The following CCDC40 variants were observed in gnomAD, a reference collection of about 807,000 sequenced individuals.
The protein encoded by CCDC40 is coiled-coil domain 40 molecular ruler complex subunit.
Under a neutral mutation model 124.5 loss-of-function variants are expected in CCDC40, and 104 were observed. That is an observed-to-expected ratio of 0.84 (90% CI 0.71 to 0.98). CCDC40 has a LOEUF of 0.98. Among genes scored for constraint, CCDC40 ranks in the 50% least tolerant of loss-of-function variants. The pLI is 0.00. For synonymous variants in CCDC40, 580 were observed against 602.9 expected (o/e 0.96, Z 0.56); for missense variants, 1,463 against 1,503.9 (o/e 0.97, Z 0.45).
chr17:80,049,082 G>A (rs964218824), intron 5 of CCDC40, among the ~76,000 whole-genome samples: 2 of 150,872 alleles, frequency 1.3e-5, no homozygotes, highest in South Asian at 2.1e-4. Flanking sequence ...CCACCCCCCC[G>A]CCTTGGTTGT....
At chr17:80,059,827 T>C (rs923141798) in intron 9 of CCDC40, among the ~76,000 whole-genome samples, 26 of 152,210 alleles carry the variant, frequency 1.7e-4, no homozygotes, top group African/African-American at 5.3e-4. Context: ...CCCAAAGTCC[T>C]GGGATTACAG....
chr17:80,086,309 C>G lies in CCDC40; in HGVS notation c.2449+93C>G. On this transcript the variant is annotated intron_variant, in intron 14 of 19. Coordinates refer to ENST00000397545, the MANE Select transcript of CCDC40 (RefSeq NM_017950.4). The surrounding 1 kb of genome is among the most constrained non-coding windows in gnomAD (Gnocchi z 5.5). ...GGGAGGGGCACTCAGTGGGGCACGTCGCTGGATTTGCACGCAGCCTTAAAA... is the reference window on the plus strand; with the variant it reads ...GGGAGGGGCACTCAGTGGGGCACGTGGCTGGATTTGCACGCAGCCTTAAAA... 4 of 1,048,002 alleles carry G rather than the reference C, an allele frequency of 3.8e-6. No homozygotes were observed. Among genetic ancestry groups the G allele is most frequent in the Non-Finnish European group, 5.8e-6 (4 of 692,364 alleles). 64.9% of individuals were successfully genotyped at this position (1,048,002 alleles called of 1,614,324 possible). A position where few individuals can be genotyped will look rare whatever the true frequency, so the allele number is the denominator to read the frequency against.
chr17:80,088,323 C>T (rs2038633907), intron 16 of CCDC40: 3 of 582,812 alleles, frequency 5.1e-6, no homozygotes, highest in Non-Finnish European at 9.4e-6. Flanking sequence ...GCGATCTCAG[C>T]TCACTGCAAC....
chr17:80,049,693 CACTCAGTT>C (rs1598487426), intron 5 of CCDC40, among the ~76,000 whole-genome samples: 1 of 152,140 alleles, frequency 6.6e-6, no homozygotes, highest in East Asian at 1.9e-4. Flanking sequence ...CCAAAATATG[CACTCAGTT>C]CTCTGCAAGT....
intron 17 of CCDC40, chr17:80,090,776 G>T: frequency 7.6e-7 from 1 of 1,312,426 alleles, no homozygotes; most frequent in Non-Finnish European, 9.7e-7. Flanking sequence ...AACAGTAAGA[G>T]CAGTTCATAA....
chr17:80,057,143 T>A (rs558536112), intron 7 of CCDC40, among the ~76,000 whole-genome samples: 27 of 152,224 alleles, frequency 1.8e-4, no homozygotes, highest in African/African-American at 6.0e-4. Context: ...TTGCTTTTTT[T>A]TTGAGACAGA....
Position 80,097,300 on chromosome 17 carries a change from T to C in CCDC40, c.3077T>C (p.Val1026Ala). ...VLELEETQRN[V>A]SSSLLEKQEK... ...GAACTGGAAGAAACACAAAGAAATG[T>C]GAGCAGCTCCCTCCTAGAGAAGCAG... The change falls in exon 19 of 20, where the codon GTG becomes GCG. Residue 1026 changes from valine to alanine, a missense_variant. Physicochemically the swap from Val to Ala is moderately conservative, Grantham distance 64 (BLOSUM62 0). Coordinates refer to ENST00000397545, the MANE Select transcript of CCDC40 (RefSeq NM_017950.4). 6.2e-7 allele frequency: 1 copy of C among 1,613,944 alleles called. No individual in the cohort carries two copies. The highest frequency in any genetic ancestry group is 8.5e-7 in the Non-Finnish European group (1 of 1,180,014).
chr17:80,097,768 T>G, intron 19 of CCDC40: 1 of 292,516 alleles, frequency 3.4e-6, no homozygotes, highest in Non-Finnish European at 6.7e-6. Flanking sequence ...GGCATGGTGG[T>G]ACACACCTGT....
At chr17:80,056,016 A>ATATATATATATTTTTTTTTTTTT (rs71163913) in intron 7 of CCDC40, among the ~76,000 whole-genome samples, 7 of 10,250 alleles carry the variant, frequency 6.8e-4, no homozygotes, top group East Asian at 4.2e-3. Flanking sequence ...ATATATATAT[A>ATATATATATATTTTTTTTTTTTT]TTTTTTTTTT....
chr17:80,039,645 C>T (rs184617205), intron 2 of CCDC40, among the ~76,000 whole-genome samples, 167 bp from the exon 3 acceptor site: 1 of 152,064 alleles, frequency 6.6e-6, no homozygotes, highest in Admixed American at 6.5e-5. Context: ...CTCCTGACCT[C>T]GTGATCTGCC....
intron 17 of CCDC40, among the ~76,000 whole-genome samples, chr17:80,093,918 T>G (rs2038761502): frequency 6.6e-6 from 1 of 152,224 alleles, no homozygotes; most frequent in South Asian, 2.1e-4. Context: ...ATCATTGTCT[T>G]TGCCCTCTGT....
chr17:80,071,929 T>C (rs1051314912), intron 10 of CCDC40, among the ~76,000 whole-genome samples: 3 of 139,096 alleles, frequency 2.2e-5, no homozygotes, highest in African/African-American at 8.1e-5. Flanking sequence ...CTCCACCTCC[T>C]GGGTTCAAGT....
chr17:80,043,021 G>A lies in CCDC40; in HGVS notation c.552+2751G>A, dbSNP rs535295618. On this transcript the variant is annotated intron_variant, in intron 3 of 19. Coordinates refer to ENST00000397545, the MANE Select transcript of CCDC40 (RefSeq NM_017950.4). ...AACCCCGCATTCTGAGATAAACACA[G>A]GGAGCCACTTTGGAGTGATGTGAAT... Among the ~76,000 whole-genome samples the A allele has an allele frequency of 2.6e-5, 4 of 152,252 alleles. No homozygotes were observed. In the South Asian group the frequency reaches 8.3e-4, roughly 32 times the overall value.
rs1171314870 is a variant in CCDC40, at chr17:80,099,745, CAACAAGCTCGAGTCACCA to C, written c.3400_3417del (p.Asn1134_Pro1139del). The C allele has an allele frequency of 6.2e-7, 1 of 1,613,446 alleles. No individual in the cohort carries two copies. The highest frequency in any genetic ancestry group is 1.3e-5 in the African/African-American group (1 of 74,906). On this transcript the variant is annotated inframe_deletion, in exon 20 of 20. Coordinates refer to ENST00000397545, the MANE Select transcript of CCDC40 (RefSeq NM_017950.4). ...TGCACAAGGTCAGCCAGATGATCGC[CAACAAGCTCGAGTCACCA>C]GGGCCCTCCTAGGGAGCAGCCTGGA...
At chr17:80,053,783 G>A (rs1290211631) in intron 7 of CCDC40, among the ~76,000 whole-genome samples, 3 of 152,092 alleles carry the variant, frequency 2.0e-5, no homozygotes, top group Admixed American at 2.0e-4. Context: ...GTAGATAACG[G>A]GGTTTCACCA....
rs2143791719 is a variant in CCDC40 at position 80,100,130 on chromosome 17, C to T, written c.*355C>T. On this transcript the variant is annotated 3_prime_UTR_variant, in exon 20 of 20. Transcript: ENST00000397545. The stretch of plus-strand genomic sequence containing the variant: ...TCACAACACAACGCTGCCACAGGTC[C>T]ACAAGCTGGTGGGCTGAGCAGAGGT... 1 of 347,860 alleles carries T rather than the reference C, an allele frequency of 2.9e-6. No individual in the cohort carries two copies. The highest frequency in any genetic ancestry group is 5.5e-6 in the Non-Finnish European group (1 of 181,348). 21.5% of individuals were successfully genotyped at this position (347,860 alleles called of 1,614,324 possible). A position where few individuals can be genotyped will look rare whatever the true frequency, so the allele number is the denominator to read the frequency against.
intron 10 of CCDC40, among the ~76,000 whole-genome samples, chr17:80,071,566 CGAT>C (rs1391101886): frequency 2.0e-5 from 3 of 152,162 alleles, no homozygotes; most frequent in Non-Finnish European, 4.4e-5. Context: ...CCCGACGTCA[CGAT>C]TTTTGGACTT....
intron 7 of CCDC40, among the ~76,000 whole-genome samples, chr17:80,052,734 C>T (rs1430057777): frequency 1.3e-5 from 2 of 152,052 alleles, no homozygotes; most frequent in Non-Finnish European, 2.9e-5. Flanking sequence ...TTTTAGAGGA[C>T]GTTGTATCCG....
chr17:80,045,653 G>C (rs753060571), intron 3 of CCDC40, among the ~76,000 whole-genome samples: 1 of 152,012 alleles, frequency 6.6e-6, no homozygotes, highest in Non-Finnish European at 1.5e-5. Context: ...GCAGTGAGCC[G>C]AGATGGTGCC....
Sources: gnomAD v4.1 joint callset for allele counts (sites outside exome capture counted in the v4.1 genomes callset) on GRCh38, gnomAD v4.1.1 for gene constraint, Gnocchi (gnomAD v3.1) non-coding constraint, MANE v1.5 for transcripts, NCBI Gene and HGNC (gene_info 2026-07-23, HGNC 2026-07-21) for gene names.